The following DNAJC5 variants were observed in gnomAD, a reference collection of about 807,000 sequenced individuals.
DNAJC5 encodes dnaJ homolog subfamily C member 5.
A neutral mutation model predicts 23.2 loss-of-function variants in DNAJC5; 1 was observed. The ratio of observed to expected loss-of-function variants is 0.04; its 90% CI spans 0.02 to 0.20. The LOEUF (loss-of-function observed/expected upper bound fraction) is 0.20. DNAJC5 is among the 10% of genes least tolerant of loss of function. The pLI, the probability that DNAJC5 is intolerant of heterozygous loss-of-function variation, is 1.00. For synonymous variants in DNAJC5, 136 were observed against 120.0 expected (o/e 1.13, Z -0.87); for missense variants, 180 against 267.0 (o/e 0.67, Z 2.27).
At chr20:63,912,060 T>C (rs1037731500) in intron 1 of DNAJC5, among the ~76,000 whole-genome samples, 1 of 152,102 alleles carries the variant, frequency 6.6e-6, no homozygotes, top group Non-Finnish European at 1.5e-5. Context: ...CCCATCACTT[T>C]GGGAGGCTGA....
chr20:63,914,104 A>G (rs1391863436), intron 1 of DNAJC5, among the ~76,000 whole-genome samples: 2 of 152,164 alleles, frequency 1.3e-5, no homozygotes, highest in South Asian at 2.1e-4. Flanking sequence ...CGAGTACCTT[A>G]GAGCAGCCCT....
At chr20:63,903,779 G>T (rs995496715) in intron 1 of DNAJC5, among the ~76,000 whole-genome samples, 1 of 152,050 alleles carries the variant, frequency 6.6e-6, no homozygotes, top group African/African-American at 2.4e-5. Context: ...GCGAAACCAC[G>T]TCTCTACTAA....
At chr20:63,915,819 CA>C (rs2053512396) in intron 1 of DNAJC5, among the ~76,000 whole-genome samples, 1 of 152,202 alleles carries the variant, frequency 6.6e-6, no homozygotes, top group Non-Finnish European at 1.5e-5. Flanking sequence ...TGCTGAAGGA[CA>C]AGGTTTAAGT....
intron 1 of DNAJC5, among the ~76,000 whole-genome samples, chr20:63,922,127 A>T (rs2053578385): frequency 6.6e-6 from 1 of 152,014 alleles, no homozygotes; most frequent in Non-Finnish European, 1.5e-5. Flanking sequence ...GTGAGGTGCT[A>T]CTTCAAACAT....
At position 63,928,344 on chromosome 20, in the gene DNAJC5, A is replaced by C. The variant is rs2053632778; in HGVS notation, c.-2A>C. 1.2e-6 allele frequency: 2 copies of C among 1,613,304 alleles called. No individual in the cohort carries two copies. The highest frequency in any genetic ancestry group is 1.7e-6 in the Non-Finnish European group (2 of 1,179,598). ...TTATTTTTTCTTCTAGAATAGCCTA[A>C]CATGGCAGACCAGAGACAGCGCTCA... On this transcript the variant is annotated 5_prime_UTR_variant, in exon 2 of 5. Coordinates refer to ENST00000360864, the MANE Select transcript of DNAJC5 (RefSeq NM_025219.3). The surrounding 1 kb of genome is among the most constrained non-coding windows in gnomAD (Gnocchi z 4.6).
chr20:63,931,798 TAG>T lies in DNAJC5; in HGVS notation c.*231_*232del. On this transcript the variant is annotated 3_prime_UTR_variant, in exon 5 of 5. Transcript: ENST00000360864. This position sits in a 1 kb window ranked among gnomAD's most constrained non-coding sequence, Gnocchi z 9.6. The stretch of plus-strand genomic sequence containing the variant: ...TCTTCTGTTTTTTTCCCTTTTTTAA[TAG>T]CATGTATGGGGTTCTGTTCCATGTC... 1 of 585,208 alleles carries T rather than the reference TAG, an allele frequency of 1.7e-6. No individual in the cohort carries two copies. Among genetic ancestry groups the T allele is most frequent in the Non-Finnish European group, 3.1e-6 (1 of 323,404 alleles). The allele number at this position is 585,208 out of a possible 1,614,324, so 36.3% of individuals were successfully genotyped here.
intron 1 of DNAJC5, among the ~76,000 whole-genome samples, chr20:63,918,643 T>A (rs1419321797): frequency 6.6e-6 from 1 of 152,266 alleles, no homozygotes; most frequent in East Asian, 1.9e-4. Flanking sequence ...TCACCCATGC[T>A]GGAGTGCAGT....
At chr20:63,903,052 C>T (rs2053425085) in intron 1 of DNAJC5, among the ~76,000 whole-genome samples, 1 of 152,022 alleles carries the variant, frequency 6.6e-6, no homozygotes, top group Admixed American at 6.6e-5. Context: ...AGTCTTAGCT[C>T]ACTGCATTCT....
rs576774539 is a variant in DNAJC5 at position 63,929,641 on chromosome 20, T to A, written c.321+116T>A. 0.018 allele frequency: 15,520 copies of A among 842,588 alleles called. 322 individuals carry two copies. Among genetic ancestry groups the A allele is most frequent in the African/African-American group, 0.02 (912 of 44,624 alleles). 52.2% of individuals were successfully genotyped at this position (842,588 alleles called of 1,614,324 possible). On this transcript the variant is annotated intron_variant, in intron 3 of 4. Transcript: ENST00000360864. This position sits in a 1 kb window ranked among gnomAD's most constrained non-coding sequence, Gnocchi z 8.6. ...CTCCTGCCGTGCGGGCACCCGAGTC[T>A]CTCCTGCCGTGCGGGCACCCGAGTC...
At chr20:63,908,613 G>A (rs1324817345) in intron 1 of DNAJC5, among the ~76,000 whole-genome samples, 2 of 152,204 alleles carry the variant, frequency 1.3e-5, no homozygotes, top group Non-Finnish European at 2.9e-5. Flanking sequence ...GTTATGTGAA[G>A]TTGAGGATTT....
At position 63,935,289 on chromosome 20, in the gene DNAJC5, A is replaced by G. The variant is rs1247135910; in HGVS notation, c.*3721A>G. On this transcript the variant is annotated 3_prime_UTR_variant, in exon 5 of 5. Coordinates refer to ENST00000360864, the MANE Select transcript of DNAJC5 (RefSeq NM_025219.3). The stretch of plus-strand genomic sequence containing the variant: ...AAGTACAATTAAAGGTGGCTCTGAA[A>G]TGGCCTCTGGTTTCTTGGGAGTCGG... The G allele has an allele frequency of 6.6e-6, 1 of 152,280 alleles. No homozygotes were observed. Among genetic ancestry groups the G allele is most frequent in the Admixed American group, 6.5e-5 (1 of 15,280 alleles). The allele number at this position is 152,280 out of a possible 1,614,324, so 9.4% of individuals were successfully genotyped here. A position where few individuals can be genotyped will look rare whatever the true frequency, so the allele number is the denominator to read the frequency against.
rs1173718874 is a variant in DNAJC5 at position 63,935,950 on chromosome 20, G to C, written c.*4382G>C. On this transcript the variant is annotated 3_prime_UTR_variant, in exon 5 of 5. Coordinates refer to ENST00000360864, the MANE Select transcript of DNAJC5 (RefSeq NM_025219.3). ...CTAAGGGCCAGGCTGGTTCCGCATG[G>C]TGATCTCCGTCTTGTATGTCTGAAT... The C allele has an allele frequency of 1.3e-5, 2 of 152,196 alleles. No homozygotes were observed. Among genetic ancestry groups the C allele is most frequent in the Non-Finnish European group, 2.9e-5 (2 of 68,050 alleles). The allele number at this position is 152,196 out of a possible 1,614,324, so 9.4% of individuals were successfully genotyped here.
At chr20:63,925,747 A>G (rs1223501976) in intron 1 of DNAJC5, among the ~76,000 whole-genome samples, 1 of 121,764 alleles carries the variant, frequency 8.2e-6, no homozygotes, top group Admixed American at 8.0e-5. Context: ...ACAAAGCGAG[A>G]CTATCTCAAA....
chr20:63,924,623 G>GCAGACGGATCACAA (rs1050105214), intron 1 of DNAJC5, among the ~76,000 whole-genome samples: 1 of 152,162 alleles, frequency 6.6e-6, no homozygotes. Context: ...GGAGGCCGAG[G>GCAGACGGATCACAA]GGGGGATTGA....
chr20:63,926,323 C>T (rs999632074), intron 1 of DNAJC5, among the ~76,000 whole-genome samples: 10 of 152,248 alleles, frequency 6.6e-5, no homozygotes, highest in African/African-American at 2.2e-4. Context: ...TGATGTCTTT[C>T]CTCATGTTGC....
At position 63,920,953 on chromosome 20, in the gene DNAJC5, C is replaced by CT. The variant is rs1014877702; in HGVS notation, c.-11-7374dup. 6.6e-6 allele frequency among the ~76,000 whole-genome samples: 1 copy of CT among 151,208 alleles called. No homozygotes were observed. Among genetic ancestry groups the CT allele is most frequent in the Admixed American group, 6.6e-5 (1 of 15,102 alleles). On this transcript the variant is annotated intron_variant, in intron 1 of 4. Coordinates refer to ENST00000360864, the MANE Select transcript of DNAJC5 (RefSeq NM_025219.3). This position sits in a 1 kb window ranked among gnomAD's most constrained non-coding sequence, Gnocchi z 4.6. Reference sequence around the variant, plus strand: ...CCTCAGCCTCCCAAAGCCTTGTTTGCTTTTTTTTATTTTGTTTTGTTTTGA... The same window carrying CT: ...CCTCAGCCTCCCAAAGCCTTGTTTGCTTTTTTTTTATTTTGTTTTGTTTTGA...
At chr20:63,922,638 C>G (rs1311120694) in intron 1 of DNAJC5, among the ~76,000 whole-genome samples, 3 of 152,132 alleles carry the variant, frequency 2.0e-5, no homozygotes, top group African/African-American at 7.2e-5. Flanking sequence ...GGCATGGTGG[C>G]TCACGCCTGT....
At chr20:63,927,996 C>A (rs1157106617) in intron 1 of DNAJC5, among the ~76,000 whole-genome samples, 1 of 152,152 alleles carries the variant, frequency 6.6e-6, no homozygotes, top group East Asian at 1.9e-4. Flanking sequence ...GTCTCCTGGG[C>A]TCCAGTGCAG....
chr20:63,922,264 C>T (rs1249624410), intron 1 of DNAJC5, among the ~76,000 whole-genome samples: 2 of 151,822 alleles, frequency 1.3e-5, no homozygotes, highest in Non-Finnish European at 2.9e-5. Flanking sequence ...GAGTTCAAGA[C>T]TATCCTGGCC....
Sources: allele counts gnomAD v4.1 joint callset (sites outside exome capture counted in the v4.1 genomes callset), GRCh38; gene constraint gnomAD v4.1.1; non-coding constraint Gnocchi (gnomAD v3.1); transcripts MANE v1.5; gene names NCBI Gene and HGNC (gene_info 2026-07-23, HGNC 2026-07-21).